The following DRC11 variants were observed in gnomAD, a reference collection of about 807,000 sequenced individuals.
DRC11 encodes dynein regulatory complex subunit 11, also known as IQ and AAA domain-containing protein 1.
chr2:236,429,524 C>T, the DRC11 span, among the ~76,000 whole-genome samples: 4 of 152,134 alleles, frequency 2.6e-5, no homozygotes, highest in East Asian at 1.9e-4. The surrounding 1 kb of genome is among the most constrained non-coding windows in gnomAD (Gnocchi z 5.9). Flanking sequence ...CTGCAATAGC[C>T]TGGCTACAGG....
At chr2:236,441,576 T>C in the DRC11 span, among the ~76,000 whole-genome samples, 1 of 152,208 alleles carries the variant, frequency 6.6e-6, no homozygotes, top group African/African-American at 2.4e-5. Flanking sequence ...TGAGGCCCTA[T>C]GTTTTATGGG....
At chr2:236,423,907 T>C in the DRC11 span, among the ~76,000 whole-genome samples, 34 of 151,918 alleles carry the variant, frequency 2.2e-4, no homozygotes, top group Non-Finnish European at 1.8e-4. Flanking sequence ...TGAAGGGACA[T>C]GGATGAAGCT....
At chr2:236,497,472 C>T in the DRC11 span, 10 of 1,608,266 alleles carry the variant, frequency 6.2e-6, no homozygotes, top group Non-Finnish European at 8.5e-6. The surrounding 1 kb of genome is among the most constrained non-coding windows in gnomAD (Gnocchi z 5.1). Flanking sequence ...TCTGATGCCA[C>T]ATCTTATTAT....
the DRC11 span, among the ~76,000 whole-genome samples, chr2:236,480,744 C>T: frequency 6.6e-6 from 1 of 152,152 alleles, no homozygotes. Context: ...CTTGCTTTGT[C>T]TCATTGAGGT....
At chr2:236,314,309 A>G in the DRC11 span, among the ~76,000 whole-genome samples, 1 of 152,234 alleles carries the variant, frequency 6.6e-6, no homozygotes, top group South Asian at 2.1e-4. This position sits in a 1 kb window ranked among gnomAD's most constrained non-coding sequence, Gnocchi z 4.5. Context: ...ACAACCATAC[A>G]TGATAAACAT....
the DRC11 span, among the ~76,000 whole-genome samples, chr2:236,327,257 C>T: frequency 2.0e-4 from 31 of 152,090 alleles, no homozygotes; most frequent in African/African-American, 6.8e-4. Context: ...ACAAACTGTT[C>T]TTTTTGTTTT....
At chr2:236,351,486 G>A in the DRC11 span, among the ~76,000 whole-genome samples, 9 of 152,240 alleles carry the variant, frequency 5.9e-5, no homozygotes, top group African/African-American at 2.2e-4. This position sits in a 1 kb window ranked among gnomAD's most constrained non-coding sequence, Gnocchi z 7.3. Flanking sequence ...GGAGCACCTG[G>A]CACTTCTGGA....
At chr2:236,476,203 G>A in the DRC11 span, among the ~76,000 whole-genome samples, 1 of 152,036 alleles carries the variant, frequency 6.6e-6, no homozygotes, top group Non-Finnish European at 1.5e-5. This position sits in a 1 kb window ranked among gnomAD's most constrained non-coding sequence, Gnocchi z 4.7. Context: ...CCATGAGCAT[G>A]GAATATCATT....
the DRC11 span, among the ~76,000 whole-genome samples, chr2:236,506,516 A>G: frequency 1.3e-5 from 2 of 152,226 alleles, no homozygotes; most frequent in African/African-American, 4.8e-5. The surrounding 1 kb of genome is among the most constrained non-coding windows in gnomAD (Gnocchi z 4.9). Context: ...CAGGGCACGT[A>G]ATAGCAACAG....
the DRC11 span, among the ~76,000 whole-genome samples, chr2:236,381,538 C>A: frequency 1.3e-5 from 2 of 152,090 alleles, no homozygotes; most frequent in African/African-American, 4.8e-5. This position sits in a 1 kb window ranked among gnomAD's most constrained non-coding sequence, Gnocchi z 5.8. Flanking sequence ...AGCCTAAGAA[C>A]GTTGTTATAG....
chr2:236,506,435 T>C, the DRC11 span, among the ~76,000 whole-genome samples: 2 of 152,214 alleles, frequency 1.3e-5, no homozygotes, highest in Non-Finnish European at 2.9e-5. The surrounding 1 kb of genome is among the most constrained non-coding windows in gnomAD (Gnocchi z 4.9). Flanking sequence ...TAAACAGAAC[T>C]CTTGATCTTC....
chr2:236,323,426 T>G, the DRC11 span, among the ~76,000 whole-genome samples: 1 of 152,176 alleles, frequency 6.6e-6, no homozygotes, highest in Non-Finnish European at 1.5e-5. The surrounding 1 kb of genome is among the most constrained non-coding windows in gnomAD (Gnocchi z 6.4). Flanking sequence ...GCCAGTAGTT[T>G]GTTCGAGGGG....
the DRC11 span, among the ~76,000 whole-genome samples, chr2:236,503,103 A>C: frequency 6.6e-6 from 1 of 152,244 alleles, no homozygotes; most frequent in South Asian, 2.1e-4. The surrounding 1 kb of genome is among the most constrained non-coding windows in gnomAD (Gnocchi z 4.9). Flanking sequence ...CAGACAGTAA[A>C]AGTTAAAAGG....
chr2:236,337,971 C>T, the DRC11 span, among the ~76,000 whole-genome samples: 1 of 152,198 alleles, frequency 6.6e-6, no homozygotes, highest in Non-Finnish European at 1.5e-5. The surrounding 1 kb of genome is among the most constrained non-coding windows in gnomAD (Gnocchi z 4.9). Context: ...TAATCCTTGT[C>T]CAGTTTCCTT....
chr2:236,481,527 G>A, the DRC11 span, among the ~76,000 whole-genome samples: 3 of 152,108 alleles, frequency 2.0e-5, no homozygotes, highest in Admixed American at 6.5e-5. Context: ...TGATAATCTT[G>A]GTGCTGGATA....
the DRC11 span, among the ~76,000 whole-genome samples, chr2:236,477,109 T>C: frequency 6.6e-6 from 1 of 152,164 alleles, no homozygotes; most frequent in Non-Finnish European, 1.5e-5. Context: ...TACCAGACCT[T>C]ATAGAATGAG....
chr2:236,444,380 A>T, the DRC11 span, among the ~76,000 whole-genome samples: 4 of 152,250 alleles, frequency 2.6e-5, no homozygotes, highest in Non-Finnish European at 5.9e-5. Context: ...ATTCTCTGCT[A>T]CTATTGTACC....
chr2:236,476,463 T>C, the DRC11 span, among the ~76,000 whole-genome samples: 1 of 152,248 alleles, frequency 6.6e-6, no homozygotes, highest in Non-Finnish European at 1.5e-5. This position sits in a 1 kb window ranked among gnomAD's most constrained non-coding sequence, Gnocchi z 4.7. Context: ...AGTTTTTTTA[T>C]GGAATCTTTA....
chr2:236,361,788 G>A, the DRC11 span, among the ~76,000 whole-genome samples: 2 of 152,086 alleles, frequency 1.3e-5, no homozygotes, highest in African/African-American at 4.8e-5. The surrounding 1 kb of genome is among the most constrained non-coding windows in gnomAD (Gnocchi z 5.7). Context: ...AAAAATAAAC[G>A]GAGCAAATGC....
Sources: allele counts gnomAD v4.1 joint callset (sites outside exome capture counted in the v4.1 genomes callset), GRCh38; gene constraint gnomAD v4.1.1; non-coding constraint Gnocchi (gnomAD v3.1); transcripts MANE v1.5; gene names NCBI Gene and HGNC (gene_info 2026-07-23, HGNC 2026-07-21).